The following HMGA2 variants were observed in gnomAD, a reference collection of about 807,000 sequenced individuals.
HMGA2 encodes high mobility group protein HMGI-C.
A neutral mutation model predicts 19.1 loss-of-function variants in HMGA2; 8 were observed. The observed-to-expected ratio is 0.42, with a 90% CI of 0.25 to 0.76. HMGA2 has a LOEUF of 0.76. HMGA2 is among the 30% of genes least tolerant of loss of function. The pLI is 0.28. For missense variants in HMGA2, 109 were observed against 136.3 expected, an observed-to-expected ratio of 0.80 and a Z score of 1.00; for synonymous variants, 60 against 48.8, an observed-to-expected ratio of 1.23 and a Z score of -0.96.
At chr12:65,905,229 C>A (rs528654966) in intron 3 of HMGA2, among the ~76,000 whole-genome samples, 1 of 151,640 alleles carries the variant, frequency 6.6e-6, no homozygotes, top group Non-Finnish European at 1.5e-5. Flanking sequence ...AGGATAAATA[C>A]TAAAATGGGC....
chr12:65,881,466 C>G, intron 3 of HMGA2: 1 of 507,766 alleles, frequency 2.0e-6, no homozygotes, highest in Non-Finnish European at 3.5e-6. Context: ...AAAAAAAACC[C>G]TTAAAGGATT....
At chr12:65,911,804 A>T (rs956584926) in intron 3 of HMGA2, among the ~76,000 whole-genome samples, 3 of 152,208 alleles carry the variant, frequency 2.0e-5, no homozygotes, top group Admixed American at 2.0e-4. Flanking sequence ...TGTAGAAATA[A>T]GAACTTACCA....
intron 3 of HMGA2, among the ~76,000 whole-genome samples, chr12:65,851,939 A>G (rs1341469373): frequency 6.6e-6 from 1 of 152,148 alleles, no homozygotes; most frequent in Non-Finnish European, 1.5e-5. Context: ...CTTATGTAAA[A>G]GAGGGATAAT....
intron 4 of HMGA2, among the ~76,000 whole-genome samples, chr12:65,962,062 A>T (rs988580583): frequency 2.6e-5 from 4 of 152,200 alleles, no homozygotes; most frequent in Non-Finnish European, 5.9e-5. Context: ...TAAAGTATGA[A>T]GACTGTTATA....
In HMGA2 at chr12:65,903,957, G is replaced by C. The variant is rs554674856; in HGVS notation, c.250-47426G>C. Among the ~76,000 whole-genome samples, 12 of 152,300 alleles carry C rather than the reference G, an allele frequency of 7.9e-5. No individual in the cohort carries two copies. In the South Asian group the frequency reaches 2.3e-3, roughly 29 times the overall value. ...TTGATTTCCTAGTGGAGATAAAGAG[G>C]TAATGTTTTATTTGGGGGAAGTGGG... On this transcript the variant is annotated intron_variant, in intron 3 of 4. Transcript: ENST00000403681.
At chr12:65,934,269 G>A (rs1188975320) in intron 3 of HMGA2, among the ~76,000 whole-genome samples, 2 of 152,096 alleles carry the variant, frequency 1.3e-5, no homozygotes, top group East Asian at 1.9e-4. Context: ...AAATACAGGG[G>A]CTGGGGGGAT....
intron 4 of HMGA2, chr12:65,958,816 T>C (rs1414431355): frequency 1.3e-5 from 2 of 151,302 alleles, no homozygotes; most frequent in Non-Finnish European, 2.9e-5. Context: ...GCCTGCAACA[T>C]CATGTAATAG....
chr12:65,958,819 T>C (rs887106967), intron 4 of HMGA2: 12 of 151,614 alleles, frequency 7.9e-5, no homozygotes, highest in African/African-American at 2.7e-4. Flanking sequence ...TGCAACATCA[T>C]GTAATAGAAG....
At chr12:65,928,381 G>T (rs947004712) in intron 3 of HMGA2, among the ~76,000 whole-genome samples, 3 of 152,222 alleles carry the variant, frequency 2.0e-5, no homozygotes, top group Non-Finnish European at 4.4e-5. Flanking sequence ...GGGTGAGTCA[G>T]TGAGTGAGTG....
intron 3 of HMGA2, among the ~76,000 whole-genome samples, chr12:65,892,074 T>C (rs1873934478): frequency 6.6e-6 from 1 of 152,200 alleles, no homozygotes; most frequent in Admixed American, 6.5e-5. Flanking sequence ...GCTCTGCCTC[T>C]GCGCCGACAC....
At chr12:65,875,945 T>A (rs1349446940) in intron 3 of HMGA2, among the ~76,000 whole-genome samples, 2 of 152,152 alleles carry the variant, frequency 1.3e-5, no homozygotes, top group East Asian at 1.9e-4. Context: ...ATTTTTAGAA[T>A]CTGATTTTTT....
intron 3 of HMGA2, among the ~76,000 whole-genome samples, chr12:65,929,469 C>T (rs1875630592): frequency 6.6e-6 from 1 of 150,482 alleles, no homozygotes; most frequent in African/African-American, 2.4e-5. Flanking sequence ...TATTTATATA[C>T]ATACATATGT....
intron 3 of HMGA2, chr12:65,842,686 G>C (rs1871052542): frequency 6.6e-7 from 1 of 1,525,842 alleles, no homozygotes; most frequent in African/African-American, 1.4e-5. Flanking sequence ...TATTTCTGCT[G>C]TTTGCCTCAA....
intron 3 of HMGA2, among the ~76,000 whole-genome samples, chr12:65,911,536 G>A (rs1460341496): frequency 6.6e-6 from 1 of 152,122 alleles, no homozygotes; most frequent in Non-Finnish European, 1.5e-5. Flanking sequence ...ATGACAGCAA[G>A]ATTAAGATCC....
chr12:65,963,270 A>G lies in HMGA2; in HGVS notation c.308A>G (p.Gln103Arg). The G allele has an allele frequency of 6.2e-7, 1 of 1,613,686 alleles. No individual in the cohort carries two copies. The highest frequency in any genetic ancestry group is 1.7e-5 in the Admixed American group (1 of 59,994). The change falls in exon 5 of 5, where the codon CAA becomes CGA. Residue 103 changes from glutamine (Q) to arginine (R), a missense_variant. Coordinates refer to ENST00000403681, the MANE Select transcript of HMGA2 (RefSeq NM_003483.6). ...AQEETEETSS[Q>R]ESAEED Reference sequence around the variant, plus strand: ...GAGGAAACTGAAGAGACATCCTCACAAGAGTCTGCCGAAGAGGACTAGGGG... The same window carrying G: ...GAGGAAACTGAAGAGACATCCTCACGAGAGTCTGCCGAAGAGGACTAGGGG...
intron 3 of HMGA2, chr12:65,855,999 A>G (rs950850070): frequency 6.6e-6 from 1 of 152,146 alleles, no homozygotes; most frequent in Non-Finnish European, 1.5e-5. Context: ...TTAAACAAAA[A>G]TCATGCTTTT....
At chr12:65,956,755 A>G (rs1876617656) in intron 4 of HMGA2, 1 of 152,140 alleles carries the variant, frequency 6.6e-6, no homozygotes, top group African/African-American at 2.4e-5. Flanking sequence ...TCTGTGGATT[A>G]GGCTCAAAAC....
intron 3 of HMGA2, chr12:65,914,826 C>A (rs964525237): frequency 6.9e-6 from 3 of 436,760 alleles, no homozygotes; most frequent in East Asian, 4.5e-5. Flanking sequence ...AGGCACCCAC[C>A]ACCACACCCA....
chr12:65,911,904 T>C (rs539713396), intron 3 of HMGA2, among the ~76,000 whole-genome samples: 1 of 152,318 alleles, frequency 6.6e-6, no homozygotes, highest in Non-Finnish European at 1.5e-5. Context: ...CTAAAAATTA[T>C]GTTACAAGCA....
Sources: allele counts gnomAD v4.1 joint callset (sites outside exome capture counted in the v4.1 genomes callset), GRCh38; gene constraint gnomAD v4.1.1; transcripts MANE v1.5; gene names NCBI Gene and HGNC (gene_info 2026-07-23, HGNC 2026-07-21).